Variants in PARD3B observed in about 807,000 individuals in gnomAD.
PARD3B encodes partitioning defective 3 homolog B.
A neutral mutation model predicts 130.2 loss-of-function variants in PARD3B; 103 were observed. The ratio of observed to expected loss-of-function variants is 0.79; its 90% CI spans 0.67 to 0.93. The LOEUF (loss-of-function observed/expected upper bound fraction) is 0.93. Among genes scored for constraint, PARD3B ranks in the 40% least tolerant of loss-of-function variants. The probability of loss-of-function intolerance (pLI) is 0.00; values close to 1 mark genes in which losing one functional copy is unlikely to be tolerated. For synonymous variants in PARD3B, 583 were observed against 553.2 expected (o/e 1.05, Z -0.76); for missense variants, 1,609 against 1,499.2 (o/e 1.07, Z -1.21).
At position 205,033,891 on chromosome 2, in the gene PARD3B, G is replaced by A. The variant is rs140001460; in HGVS notation, c.395-13690G>A. On this transcript the variant is annotated intron_variant, in intron 3 of 22. Coordinates refer to ENST00000406610, the MANE Select transcript of PARD3B (RefSeq NM_001302769.2). ...TCCTCTATAAGCCACAGTAATTGAC[G>A]AGATTGAGTCAGTATCTCTGTGCAT... Among the ~76,000 whole-genome samples, 1,169 of 152,234 alleles carry A rather than the reference G, an allele frequency of 7.7e-3. 17 individuals carry two copies. Among genetic ancestry groups the A allele is most frequent in the African/African-American group, 0.027 (1,104 of 41,550 alleles).
At chr2:205,104,373 T>C in intron 4 of PARD3B, 53 bp from the exon 5 acceptor site, 2 of 1,306,912 alleles carry the variant, frequency 1.5e-6, no homozygotes, top group Non-Finnish European at 1.1e-6. Context: ...TTTATTCAGA[T>C]TTTCAATTCA....
chr2:205,221,776 C>T (rs948643921), intron 15 of PARD3B, among the ~76,000 whole-genome samples: 6 of 152,082 alleles, frequency 3.9e-5, no homozygotes, highest in Non-Finnish European at 7.4e-5. Context: ...TTTCCCTTTT[C>T]CCCTGCTCTG....
chr2:204,859,978 AT>A (rs1447430180), intron 2 of PARD3B, among the ~76,000 whole-genome samples: 4 of 152,348 alleles, frequency 2.6e-5, no homozygotes, highest in South Asian at 4.1e-4. Context: ...TAAAGTTAGT[AT>A]TATACTGTTA....
chr2:204,766,991 A>ATTTATTT (rs1553519508), intron 2 of PARD3B, among the ~76,000 whole-genome samples: 2 of 98,676 alleles, frequency 2.0e-5, no homozygotes, highest in African/African-American at 7.4e-5. Context: ...CACATTTTTT[A>ATTTATTT]TTTTATTTTT....
intron 3 of PARD3B, among the ~76,000 whole-genome samples, chr2:204,971,804 C>G (rs899427788): frequency 1.3e-5 from 2 of 151,194 alleles, no homozygotes; most frequent in Non-Finnish European, 2.9e-5. Context: ...ATTTTGAGCA[C>G]CACTCTTTTG....
chr2:205,449,316 AC>A (rs1426737444), intron 20 of PARD3B, among the ~76,000 whole-genome samples: 1 of 149,338 alleles, frequency 6.7e-6, no homozygotes, highest in Non-Finnish European at 1.5e-5. Context: ...TGCTACCTCC[AC>A]CTCCCAGGTT....
At chr2:204,671,555 G>A (rs2036301632) in intron 1 of PARD3B, among the ~76,000 whole-genome samples, 1 of 152,088 alleles carries the variant, frequency 6.6e-6, no homozygotes, top group South Asian at 2.1e-4. Flanking sequence ...CCTCTGAGAA[G>A]TCATTACTTC....
chr2:205,428,088 A>T (rs1407436652), intron 19 of PARD3B, among the ~76,000 whole-genome samples: 1 of 152,146 alleles, frequency 6.6e-6, no homozygotes, highest in Non-Finnish European at 1.5e-5. Flanking sequence ...CGTCCATATA[A>T]AAGTGGCCCC....
At chr2:205,596,424 G>A (rs2054572458) in intron 22 of PARD3B, among the ~76,000 whole-genome samples, 1 of 152,190 alleles carries the variant, frequency 6.6e-6, no homozygotes, top group African/African-American at 2.4e-5. Context: ...CAAATAATGA[G>A]CTGGATTCTG....
intron 1 of PARD3B, among the ~76,000 whole-genome samples, chr2:204,561,687 C>T (rs13428250): frequency 0.061 from 9,275 of 151,596 alleles, 930 homozygotes; most frequent in African/African-American, 0.21. Flanking sequence ...CCTCCGCCTC[C>T]AGGGTTCAAG....
intron 19 of PARD3B, among the ~76,000 whole-genome samples, chr2:205,436,395 G>A (rs904995820): frequency 6.6e-6 from 1 of 152,078 alleles, no homozygotes; most frequent in Non-Finnish European, 1.5e-5. Flanking sequence ...GTTTTCAAAT[G>A]TTTGAGAGTG....
chr2:205,463,100 C>G lies in PARD3B; in HGVS notation c.3044+22428C>G, dbSNP rs1042450918. ...TTTGCCCTCAATATCCTTCCCTGCCCCCTTATTTGGTTTGAACTGACTCAC... is the reference window on the plus strand; with the variant it reads ...TTTGCCCTCAATATCCTTCCCTGCCGCCTTATTTGGTTTGAACTGACTCAC... On this transcript the variant is annotated intron_variant, in intron 20 of 22. Coordinates refer to ENST00000406610, the MANE Select transcript of PARD3B (RefSeq NM_001302769.2). This position sits in a 1 kb window ranked among gnomAD's most constrained non-coding sequence, Gnocchi z 4.8. Among the ~76,000 whole-genome samples the G allele has an allele frequency of 2.0e-5, 3 of 152,060 alleles. No homozygotes were observed. Among genetic ancestry groups the G allele is most frequent in the Admixed American group, 6.5e-5 (1 of 15,268 alleles).
At chr2:205,483,053 C>G (rs1038471297) in intron 20 of PARD3B, among the ~76,000 whole-genome samples, 4 of 152,050 alleles carry the variant, frequency 2.6e-5, no homozygotes, top group African/African-American at 7.2e-5. Context: ...GTGTAAATCT[C>G]GGTTCATTGT....
In PARD3B at chr2:205,573,082, AACTC is replaced by A. The variant is rs201564241; in HGVS notation, c.3260+19687_3260+19690del. On this transcript the variant is annotated intron_variant, in intron 22 of 22. Transcript: ENST00000406610. Reference sequence around the variant, plus strand: ...TTATAAAACCATCAGATCTCATGAGAACTCACTCACTATCACAAGAACAGCACGG... The same window carrying A: ...TTATAAAACCATCAGATCTCATGAGAACTCACTATCACAAGAACAGCACGG... Among the ~76,000 whole-genome samples the A allele has an allele frequency of 1.3e-4, 20 of 152,258 alleles. No individual in the cohort carries two copies. In the East Asian group the frequency reaches 3.3e-3, roughly 25 times the overall value.
intron 20 of PARD3B, among the ~76,000 whole-genome samples, chr2:205,492,054 G>T (rs2049738670): frequency 6.6e-6 from 1 of 152,138 alleles, no homozygotes; most frequent in South Asian, 2.1e-4. Flanking sequence ...CCTGACATAA[G>T]GATGAGTAAT....
At chr2:205,553,552 C>T in intron 22 of PARD3B, 149 bp downstream of exon 22, 1 of 666,716 alleles carries the variant, frequency 1.5e-6, no homozygotes, top group South Asian at 2.0e-5. Context: ...GTTCCATCTT[C>T]ACAAATGTGC....
At chr2:205,254,171 C>T (rs985393206) in intron 16 of PARD3B, among the ~76,000 whole-genome samples, 4 of 149,320 alleles carry the variant, frequency 2.7e-5, no homozygotes, top group African/African-American at 9.9e-5. Flanking sequence ...ACTTGCAAGA[C>T]CTTTCATTTT....
chr2:205,219,245 C>T (rs1009515501), intron 15 of PARD3B, among the ~76,000 whole-genome samples: 1 of 152,092 alleles, frequency 6.6e-6, no homozygotes, highest in Non-Finnish European at 1.5e-5. Flanking sequence ...TGTGTAATCG[C>T]CTTTTCTGCA....
At chr2:205,383,105 T>TAGATAGATAGATAGATAGATAGAG (rs1553500298) in intron 18 of PARD3B, among the ~76,000 whole-genome samples, 1,980 of 136,742 alleles carry the variant, frequency 0.014, 84 homozygotes, top group Admixed American at 0.077. Flanking sequence ...GATAGATAGA[T>TAGATAGATAGATAGATAGATAGAG]AGATAGATAG....
Sources: allele counts gnomAD v4.1 joint callset (sites outside exome capture counted in the v4.1 genomes callset), GRCh38; gene constraint gnomAD v4.1.1; non-coding constraint Gnocchi (gnomAD v3.1); transcripts MANE v1.5; gene names NCBI Gene and HGNC (gene_info 2026-07-23, HGNC 2026-07-21).